The following CHN1 variants were observed in gnomAD, a reference collection of about 807,000 sequenced individuals.
CHN1 encodes N-chimaerin.
A neutral mutation model predicts 59.5 loss-of-function variants in CHN1; 37 were observed. That is an observed-to-expected ratio of 0.62 (90% CI 0.48 to 0.82). CHN1 has a LOEUF of 0.82. Ranked by LOEUF, CHN1 falls within the 40% of genes least tolerant of loss-of-function variation. The pLI, the probability that CHN1 is intolerant of heterozygous loss-of-function variation, is 0.00. For synonymous variants in CHN1, 206 were observed against 200.4 expected (o/e 1.03, Z -0.24); for missense variants, 469 against 571.0 (o/e 0.82, Z 1.82).
intron 11 of CHN1, among the ~76,000 whole-genome samples, chr2:174,808,421 C>A (rs201679493): frequency 8.6e-4 from 117 of 136,402 alleles, no homozygotes; most frequent in African/African-American, 1.5e-3. Context: ...GTAGCTGGGA[C>A]TACAGGCGCG....
At chr2:174,887,735 A>C (rs1037412397) in intron 5 of CHN1, among the ~76,000 whole-genome samples, 1 of 152,216 alleles carries the variant, frequency 6.6e-6, no homozygotes, top group Non-Finnish European at 1.5e-5. Flanking sequence ...GAAATCATGA[A>C]TATCTGTCTA....
At chr2:174,958,177 A>C (rs1414449925) in intron 1 of CHN1, among the ~76,000 whole-genome samples, 1 of 37,528 alleles carries the variant, frequency 2.7e-5, no homozygotes, top group Admixed American at 4.2e-4. Context: ...GAGAGAAGGA[A>C]GGGAGGGAGG....
At chr2:174,807,711 C>G (rs1177178972) in intron 11 of CHN1, among the ~76,000 whole-genome samples, 1 of 152,052 alleles carries the variant, frequency 6.6e-6, no homozygotes, top group Non-Finnish European at 1.5e-5. Context: ...TACATGGGAG[C>G]TTGAGCTGAC....
At chr2:174,998,841 T>C (rs67453046) in intron 1 of CHN1, among the ~76,000 whole-genome samples, 7,415 of 152,308 alleles carry the variant, frequency 0.049, 231 homozygotes, top group Middle Eastern at 0.085. Flanking sequence ...TTCTTGGATA[T>C]AAAACCATTC....
At chr2:174,964,641 T>C (rs2105430524) in intron 1 of CHN1, among the ~76,000 whole-genome samples, 1 of 152,344 alleles carries the variant, frequency 6.6e-6, no homozygotes, top group East Asian at 1.9e-4. Context: ...CTAAAGTCTT[T>C]GAATTCCCCC....
At chr2:174,879,338 T>C (rs1258322616) in intron 5 of CHN1, among the ~76,000 whole-genome samples, 2 of 152,224 alleles carry the variant, frequency 1.3e-5, no homozygotes, top group East Asian at 3.8e-4. Flanking sequence ...ACGATGTCTG[T>C]TTCTGTAGTT....
intron 5 of CHN1, among the ~76,000 whole-genome samples, chr2:174,885,122 CT>C (rs1308199095): frequency 2.7e-5 from 4 of 146,888 alleles, no homozygotes; most frequent in African/African-American, 1.0e-4. Flanking sequence ...CCCATCTCTA[CT>C]AAAAAAAAAA....
intron 3 of CHN1, among the ~76,000 whole-genome samples, chr2:174,925,018 AGAAGT>A (rs1302448270): frequency 2.6e-5 from 4 of 152,236 alleles, no homozygotes; most frequent in Non-Finnish European, 5.9e-5. Context: ...AGGAAAAATG[AGAAGT>A]GAAGAGAAGA....
At chr2:174,801,066 CTTGGTCGTGTAAT>C (rs1302982555) in intron 12 of CHN1, among the ~76,000 whole-genome samples, 3 of 152,196 alleles carry the variant, frequency 2.0e-5, no homozygotes, top group African/African-American at 7.2e-5. Context: ...ACCACTAAAA[CTTGGTCGTGTAAT>C]TTGGAAATCT....
intron 5 of CHN1, among the ~76,000 whole-genome samples, chr2:174,892,180 T>A (rs1688074610): frequency 6.6e-6 from 1 of 152,174 alleles, no homozygotes; most frequent in South Asian, 2.1e-4. Context: ...TAAAAAAGAA[T>A]AATTGCCATT....
At position 174,847,290 on chromosome 2, in the gene CHN1, T is replaced by G. The variant is rs919488195; in HGVS notation, c.550-333A>C. 4.4e-6 allele frequency: 6 copies of G among 1,357,488 alleles called. No individual in the cohort carries two copies. The South Asian group carries it at 1.3e-4, about 31-fold the overall frequency. 84.1% of individuals were successfully genotyped at this position (1,357,488 alleles called of 1,614,324 possible). A position where few individuals can be genotyped will look rare whatever the true frequency, so the allele number is the denominator to read the frequency against. On this transcript the variant is annotated intron_variant, in intron 6 of 12. Transcript: ENST00000409900. ...GAGGTGGAGGAGGAGGATGAAGCAC[T>G]TCTTAAACAGAGGTCGACTAACCAG...
chr2:174,919,285 T>C (rs552795010), intron 3 of CHN1, among the ~76,000 whole-genome samples: 9 of 151,960 alleles, frequency 5.9e-5, no homozygotes, highest in Non-Finnish European at 1.2e-4. Context: ...ATAATGAAAA[T>C]AGGAGTGGGT....
intron 3 of CHN1, among the ~76,000 whole-genome samples, chr2:174,927,237 T>C (rs1189136647): frequency 6.6e-6 from 1 of 152,206 alleles, no homozygotes; most frequent in Non-Finnish European, 1.5e-5. Flanking sequence ...CAGATACTTT[T>C]GGTTTACACA....
At chr2:174,824,148 CCTTA>C (rs1473312051) in intron 8 of CHN1, among the ~76,000 whole-genome samples, 5 of 152,168 alleles carry the variant, frequency 3.3e-5, no homozygotes, top group Non-Finnish European at 5.9e-5. Context: ...AATATAACTG[CCTTA>C]CTTTTATCTC....
chr2:174,939,362 G>A (rs1457808243), intron 3 of CHN1, among the ~76,000 whole-genome samples: 5 of 152,180 alleles, frequency 3.3e-5, no homozygotes, highest in African/African-American at 1.2e-4. Flanking sequence ...GAAAAAACTG[G>A]ATCATACTGG....
chr2:174,880,949 G>A (rs1687714106), intron 5 of CHN1, among the ~76,000 whole-genome samples: 1 of 151,822 alleles, frequency 6.6e-6, no homozygotes, highest in South Asian at 2.1e-4. Flanking sequence ...CGGAGGCTGA[G>A]GCAGGAGAAT....
At chr2:174,959,196 C>T (rs75745064) in intron 1 of CHN1, among the ~76,000 whole-genome samples, 3,588 of 152,278 alleles carry the variant, frequency 0.024, 140 homozygotes, top group African/African-American at 0.081. Context: ...GAGCAATTAG[C>T]TATATATACC....
chr2:174,952,187 C>T lies in CHN1; in HGVS notation c.35G>A (p.Arg12Lys). The change falls in exon 2 of 13, where the codon AGA (arginine) becomes AAA (lysine). Residue 12 changes from arginine (R) to lysine (K), a missense_variant. By Grantham distance (26) the Arg-to-Lys change is conservative. This residue lies in a region of CHN1 where 152 missense variants were observed against 166.1 expected (regional missense o/e 0.92). Transcript: ENST00000409900. ...ALTLFDTDEY[R>K]PPVWKSYLYQ... ...ACAGTAAGATTTCCAAACAGGAGGT[C>T]TATATTCATCTGTATCTGAAAGAAA... 6.9e-7 allele frequency: 1 copy of T among 1,459,524 alleles called. No individual in the cohort carries two copies. The highest frequency in any genetic ancestry group is 9.1e-7 in the Non-Finnish European group (1 of 1,102,018). 90.4% of individuals were successfully genotyped at this position (1,459,524 alleles called of 1,614,324 possible).
intron 8 of CHN1, among the ~76,000 whole-genome samples, chr2:174,815,304 G>A (rs1685208947): frequency 6.6e-6 from 1 of 152,080 alleles, no homozygotes; most frequent in South Asian, 2.1e-4. Flanking sequence ...CCTGAGCCCA[G>A]GTGGTCAAGG....
Sources: gnomAD v4.1 joint callset for allele counts (sites outside exome capture counted in the v4.1 genomes callset) on GRCh38, gnomAD v4.1.1 for gene constraint, gnomAD v4.1.1 regional missense constraint, MANE v1.5 for transcripts, NCBI Gene and HGNC (gene_info 2026-07-23, HGNC 2026-07-21) for gene names.